The following ABAT variants were observed in gnomAD, a reference collection of about 807,000 sequenced individuals.
The protein encoded by ABAT is 4-aminobutyrate aminotransferase.
Under a neutral mutation model 64.6 loss-of-function variants are expected in ABAT, and 45 were observed. That is an observed-to-expected ratio of 0.70 (90% CI 0.55 to 0.89). ABAT has a LOEUF of 0.89. Ranked by LOEUF, ABAT falls within the 40% of genes least tolerant of loss-of-function variation. ABAT has a pLI of 0.00. For synonymous variants in ABAT, 297 were observed against 250.5 expected, an observed-to-expected ratio of 1.19 and a Z score of -1.75; for missense variants, 633 against 658.4, an observed-to-expected ratio of 0.96 and a Z score of 0.42.
At chr16:8,779,642 C>T in intron 15 of ABAT, 52 bp downstream of exon 15, 1 of 1,432,346 alleles carries the variant, frequency 7.0e-7, no homozygotes, top group African/African-American at 1.4e-5. Flanking sequence ...GTATCTCCTG[C>T]TGTAGCTGCC....
At position 8,707,267 on chromosome 16, in the gene ABAT, G is replaced by A. The variant is rs150291476; in HGVS notation, c.-41-28432G>A. On this transcript the variant is annotated intron_variant, in intron 1 of 15. Transcript: ENST00000268251. ...AGTGGTGCAATCATGGCTCACTGCAGCCTCGACCTCCCAGACTCAAGCCAT... is the reference window on the plus strand; with the variant it reads ...AGTGGTGCAATCATGGCTCACTGCAACCTCGACCTCCCAGACTCAAGCCAT... Among the ~76,000 whole-genome samples the A allele has an allele frequency of 1.5e-3, 229 of 151,788 alleles. 1 individual carries two copies. Among genetic ancestry groups the A allele is most frequent in the African/African-American group, 5.4e-3 (222 of 41,352 alleles).
chr16:8,709,353 TA>T (rs1753210756), intron 1 of ABAT, among the ~76,000 whole-genome samples: 3 of 12,298 alleles, frequency 2.4e-4, no homozygotes, highest in African/African-American at 5.8e-4. Context: ...CTCACATTTT[TA>T]TTTATTTATT....
chr16:8,674,854 C>T (rs1212300300), intron 1 of ABAT, 143 bp downstream of exon 1: 1 of 152,408 alleles, frequency 6.6e-6, no homozygotes, highest in Non-Finnish European at 1.5e-5. Context: ...GCGGGGCCCT[C>T]CCCCGAAAAG....
chr16:8,708,274 T>C (rs1284630929), intron 1 of ABAT, among the ~76,000 whole-genome samples: 4 of 152,154 alleles, frequency 2.6e-5, no homozygotes, highest in Non-Finnish European at 4.4e-5. Flanking sequence ...AGAGACAGGA[T>C]CTTGCTGTGT....
At chr16:8,763,363 C>G (rs1171839842) in intron 6 of ABAT, among the ~76,000 whole-genome samples, 2 of 152,190 alleles carry the variant, frequency 1.3e-5, no homozygotes, top group Non-Finnish European at 2.9e-5. Flanking sequence ...CTAGACCCAA[C>G]TGAGTGATCG....
chr16:8,769,663 C>G (rs1476173912), intron 11 of ABAT, among the ~76,000 whole-genome samples: 1 of 151,310 alleles, frequency 6.6e-6, no homozygotes, highest in East Asian at 1.9e-4. Flanking sequence ...GTTTTGTCTT[C>G]TCCTGAGTCT....
At chr16:8,696,507 C>G (rs1036452640) in intron 1 of ABAT, among the ~76,000 whole-genome samples, 1 of 152,164 alleles carries the variant, frequency 6.6e-6, no homozygotes, top group African/African-American at 2.4e-5. Flanking sequence ...GTAATCCCAG[C>G]TACTCAGGAG....
At chr16:8,779,416 A>ATTAAGCCC (rs2060365768) in intron 14 of ABAT, 63 bp from the exon 15 acceptor site, 2 of 1,443,764 alleles carry the variant, frequency 1.4e-6, no homozygotes, top group African/African-American at 1.4e-5. Flanking sequence ...AAGCACAGCC[A>ATTAAGCCC]TTAAGCCCAG....
At chr16:8,763,258 T>G (rs1003317368) in intron 6 of ABAT, among the ~76,000 whole-genome samples, 19 of 152,160 alleles carry the variant, frequency 1.2e-4, no homozygotes, top group African/African-American at 4.6e-4. Flanking sequence ...CTGCCCCTTC[T>G]TGGCTGTGTG....
chr16:8,743,308 A>C lies in ABAT; in HGVS notation c.71-2693A>C, dbSNP rs1056162857. 3.5e-5 allele frequency among the ~76,000 whole-genome samples: 3 copies of C among 85,772 alleles called. No individual in the cohort carries two copies. In the East Asian group the frequency reaches 9.1e-4, roughly 26 times the overall value. 56.3% of individuals were successfully genotyped at this position (85,772 alleles called of 152,430 possible). ...TTGTATAGTTCGACAAGCTATCTGC[A>C]TGTGTGTCTCTGTGTGTGTGTGTGT... On this transcript the variant is annotated intron_variant, in intron 2 of 15. Coordinates refer to ENST00000268251, the MANE Select transcript of ABAT (RefSeq NM_020686.6).
intron 2 of ABAT, 49 bp from the exon 3 acceptor site, chr16:8,745,952 A>C (rs754586169): frequency 6.4e-7 from 1 of 1,553,176 alleles, no homozygotes; most frequent in Non-Finnish European, 8.9e-7. Context: ...CAGAATCCTC[A>C]TGATCTCTGC....
chr16:8,720,967 T>C (rs569258726), intron 1 of ABAT: 18 of 152,368 alleles, frequency 1.2e-4, no homozygotes, highest in African/African-American at 4.1e-4. Context: ...AGGCTGCTTG[T>C]TGAGCATTTA....
chr16:8,766,107 C>A, intron 8 of ABAT, 101 bp from the exon 9 acceptor site: 3 of 1,103,126 alleles, frequency 2.7e-6, no homozygotes, highest in Non-Finnish European at 4.1e-6. Context: ...CCTGAGAAAG[C>A]ACTTTCTACT....
chr16:8,706,704 C>A (rs895664838), intron 1 of ABAT, among the ~76,000 whole-genome samples: 5 of 152,022 alleles, frequency 3.3e-5, no homozygotes, highest in African/African-American at 1.2e-4. Flanking sequence ...CAGAGCAAGA[C>A]CCTGTCTCAA....
chr16:8,693,542 C>T lies in ABAT; in HGVS notation c.-42+18831C>T, dbSNP rs532795994. 1.1e-4 allele frequency among the ~76,000 whole-genome samples: 16 copies of T among 152,266 alleles called. No individual in the cohort carries two copies. In the South Asian group the frequency reaches 1.2e-3, roughly 12 times the overall value. ...GGAGTGCAGTGGCACGATCTCAGCTCACTGCAACCTCCGCCTCCCGGGTTC... is the reference window on the plus strand; with the variant it reads ...GGAGTGCAGTGGCACGATCTCAGCTTACTGCAACCTCCGCCTCCCGGGTTC... On this transcript the variant is annotated intron_variant, in intron 1 of 15. Coordinates refer to ENST00000268251, the MANE Select transcript of ABAT (RefSeq NM_020686.6).
intron 1 of ABAT, among the ~76,000 whole-genome samples, chr16:8,692,999 G>T (rs2057620456): frequency 1.3e-5 from 2 of 152,036 alleles, no homozygotes. Flanking sequence ...GATTACAGGT[G>T]CACACCACCA....
chr16:8,713,517 CTT>C lies in ABAT; in HGVS notation c.-41-22181_-41-22180del, dbSNP rs571113748. On this transcript the variant is annotated intron_variant, in intron 1 of 15. Coordinates refer to ENST00000268251, the MANE Select transcript of ABAT (RefSeq NM_020686.6). ...TGCATCCTGTTTCTGTCTGAAAACC[CTT>C]GTCTTTCTGAATCCATCTTTCAGTC... 585 of 197,452 alleles carry C rather than the reference CTT, an allele frequency of 3.0e-3. 1 individual carries two copies. The highest frequency in any genetic ancestry group is 5.2e-3 in the Non-Finnish European group (491 of 93,812). The allele number at this position is 197,452 out of a possible 1,614,324, so 12.2% of individuals were successfully genotyped here.
At chr16:8,751,623 C>T (rs577078483) in intron 5 of ABAT, among the ~76,000 whole-genome samples, 13 of 152,304 alleles carry the variant, frequency 8.5e-5, no homozygotes, top group African/African-American at 1.9e-4. Context: ...AGTCATCGCC[C>T]ATCAGCTGCG....
intron 1 of ABAT, among the ~76,000 whole-genome samples, chr16:8,675,014 A>G (rs2057163277): frequency 6.6e-6 from 1 of 152,146 alleles, no homozygotes. Flanking sequence ...CCAGGTCTCT[A>G]GAGCCCCCTC....
Sources: allele counts gnomAD v4.1 joint callset (sites outside exome capture counted in the v4.1 genomes callset), GRCh38; gene constraint gnomAD v4.1.1; transcripts MANE v1.5; gene names NCBI Gene and HGNC (gene_info 2026-07-23, HGNC 2026-07-21).